The following DLGAP2 variants were observed in gnomAD, a reference collection of about 807,000 sequenced individuals.
DLGAP2 encodes DLG associated protein 2, also known as disks large-associated protein 2.
Under a neutral mutation model 100.3 loss-of-function variants are expected in DLGAP2, and 26 were observed. The ratio of observed to expected loss-of-function variants is 0.26; its 90% CI spans 0.19 to 0.36. The LOEUF (loss-of-function observed/expected upper bound fraction) is 0.36, where lower values mean the gene tolerates loss of function less well. Ranked by LOEUF, DLGAP2 falls within the 10% of genes least tolerant of loss-of-function variation. The probability of loss-of-function intolerance (pLI) is 1.00; values close to 1 mark genes in which losing one functional copy is unlikely to be tolerated. For synonymous variants in DLGAP2, 886 were observed against 630.1 expected, an observed-to-expected ratio of 1.41 and a Z score of -6.08; for missense variants, 1,858 against 1,453.2, an observed-to-expected ratio of 1.28 and a Z score of -4.53.
chr8:989,856 G>C (rs1242602185), intron 2 of DLGAP2, among the ~76,000 whole-genome samples: 1 of 152,134 alleles, frequency 6.6e-6, no homozygotes, highest in African/African-American at 2.4e-5. Context: ...CATGACACCA[G>C]CTGCTCTTGT....
Position 925,207 on chromosome 8 carries a change from G to C in DLGAP2, c.73+17241G>C, listed in dbSNP as rs572796992. Among the ~76,000 whole-genome samples, 8 of 152,256 alleles carry C rather than the reference G, an allele frequency of 5.3e-5. No homozygotes were observed. In the East Asian group the frequency reaches 9.7e-4, roughly 18 times the overall value. ...GTGTGCAGTGGCCTTCTGGGCTCAA[G>C]CTATCCTCCCATCTCAATCTCCAAA... On this transcript the variant is annotated intron_variant, in intron 2 of 14. Transcript: ENST00000637795.
chr8:1,472,626 A>G (rs1020231169), intron 3 of DLGAP2, among the ~76,000 whole-genome samples: 2 of 152,182 alleles, frequency 1.3e-5, no homozygotes, highest in Non-Finnish European at 2.9e-5. Context: ...TCCTCAAGAT[A>G]TACAGGTTCA....
intron 8 of DLGAP2, among the ~76,000 whole-genome samples, chr8:1,640,295 GC>G (rs1434708470): frequency 6.7e-6 from 1 of 148,748 alleles, no homozygotes; most frequent in Non-Finnish European, 1.5e-5. Context: ...CAGGTGTGCT[GC>G]CCCGTGGGTC....
intron 2 of DLGAP2, among the ~76,000 whole-genome samples, chr8:1,022,097 C>G (rs778971440): frequency 1.3e-5 from 2 of 152,160 alleles, no homozygotes; most frequent in Non-Finnish European, 2.9e-5. Flanking sequence ...GCAGAGAAGC[C>G]CAGACAGCAC....
At chr8:1,380,519 G>T (rs980845064) in intron 3 of DLGAP2, among the ~76,000 whole-genome samples, 4 of 150,400 alleles carry the variant, frequency 2.7e-5, no homozygotes, top group African/African-American at 9.8e-5. Flanking sequence ...TGATAAGCGA[G>T]GCTTTTTTCT....
chr8:930,497 T>C (rs938606737), intron 2 of DLGAP2, among the ~76,000 whole-genome samples: 14 of 152,082 alleles, frequency 9.2e-5, no homozygotes, highest in Non-Finnish European at 1.8e-4. Flanking sequence ...GCAGAAAAGG[T>C]CCGAGGAGGG....
intron 2 of DLGAP2, among the ~76,000 whole-genome samples, chr8:1,179,999 C>T (rs1475254381): frequency 6.6e-6 from 1 of 152,186 alleles, no homozygotes; most frequent in Non-Finnish European, 1.5e-5. Context: ...GTGTTTTATA[C>T]TAGCCAGTTA....
chr8:1,658,932 A>C (rs1798347080), intron 8 of DLGAP2, among the ~76,000 whole-genome samples: 1 of 152,056 alleles, frequency 6.6e-6, no homozygotes, highest in African/African-American at 2.4e-5. Flanking sequence ...TAGGGTGTCA[A>C]TTTTAGATCT....
At chr8:840,513 C>T (rs35893289) in intron 1 of DLGAP2, among the ~76,000 whole-genome samples, 58 of 45,312 alleles carry the variant, frequency 1.3e-3, no homozygotes, top group South Asian at 3.1e-3. Context: ...CGAGCGCGTC[C>T]ACACGGTGCA....
chr8:927,018 A>C (rs1027590063), intron 2 of DLGAP2: 1 of 985,336 alleles, frequency 1.0e-6, no homozygotes, highest in Non-Finnish European at 1.2e-6. Flanking sequence ...CGAGAAAGAG[A>C]AAGAGCTCAG....
At chr8:1,332,682 G>A (rs765036130) in intron 3 of DLGAP2, among the ~76,000 whole-genome samples, 1 of 152,252 alleles carries the variant, frequency 6.6e-6, no homozygotes, top group African/African-American at 2.4e-5. Context: ...ACCTGCAGCC[G>A]CGAGGAGCAC....
chr8:1,303,998 C>T (rs1320150987), intron 3 of DLGAP2, among the ~76,000 whole-genome samples: 3 of 152,136 alleles, frequency 2.0e-5, no homozygotes, highest in Non-Finnish European at 4.4e-5. Flanking sequence ...GAGTGCAGAC[C>T]CTGGAAGGCT....
chr8:834,173 C>G (rs189803940), intron 1 of DLGAP2, among the ~76,000 whole-genome samples: 77 of 152,346 alleles, frequency 5.1e-4, no homozygotes, highest in African/African-American at 1.8e-3. Context: ...TGTGTCTCCA[C>G]TCATGGAAGA....
Position 1,498,283 on chromosome 8 carries a change from A to G in DLGAP2, c.107-3083A>G, listed in dbSNP as rs145951016. ...ATGGTAAGTGTTTCTTATCAGAGTCAATTCTCTCCTGGATCTGGGAAAAGG... is the reference window on the plus strand; with the variant it reads ...ATGGTAAGTGTTTCTTATCAGAGTCGATTCTCTCCTGGATCTGGGAAAAGG... On this transcript the variant is annotated intron_variant, in intron 3 of 14. Coordinates refer to ENST00000637795, the MANE Select transcript of DLGAP2 (RefSeq NM_001346810.2). 1.2e-3 allele frequency among the ~76,000 whole-genome samples: 182 copies of G among 152,304 alleles called. 1 individual carries two copies. The East Asian group carries it at 0.018, about 15-fold the overall frequency.
chr8:1,245,035 A>T (rs7840118), intron 2 of DLGAP2, among the ~76,000 whole-genome samples: 30,688 of 152,140 alleles, frequency 0.2, 3,788 homozygotes, highest in African/African-American at 0.34. Flanking sequence ...AAATCAAAAT[A>T]CAATGAGACA....
At chr8:1,389,616 A>G (rs984872563) in intron 3 of DLGAP2, among the ~76,000 whole-genome samples, 2 of 152,102 alleles carry the variant, frequency 1.3e-5, no homozygotes, top group Non-Finnish European at 2.9e-5. Flanking sequence ...CTTGGATAGA[A>G]AAAAAGCTGA....
chr8:884,066 C>T (rs1797873766), intron 1 of DLGAP2, among the ~76,000 whole-genome samples: 1 of 152,146 alleles, frequency 6.6e-6, no homozygotes, highest in African/African-American at 2.4e-5. Context: ...TTGGTTCCAT[C>T]TCTTTGCTAT....
At chr8:1,307,402 A>G (rs1800515114) in intron 3 of DLGAP2, among the ~76,000 whole-genome samples, 1 of 152,224 alleles carries the variant, frequency 6.6e-6, no homozygotes, top group Non-Finnish European at 1.5e-5. Flanking sequence ...GAAGTTAGAA[A>G]CCTTGTGCAT....
intron 9 of DLGAP2, among the ~76,000 whole-genome samples, chr8:1,669,476 G>A (rs1453688258): frequency 6.6e-6 from 1 of 152,244 alleles, no homozygotes. Flanking sequence ...TGGTTGAGCA[G>A]GGCTGGCCGT....
Sources: allele counts gnomAD v4.1 joint callset (sites outside exome capture counted in the v4.1 genomes callset), GRCh38; gene constraint gnomAD v4.1.1; transcripts MANE v1.5; gene names NCBI Gene and HGNC (gene_info 2026-07-23, HGNC 2026-07-21).